The following ZFYVE9 variants were observed in gnomAD, a reference collection of about 807,000 sequenced individuals.
ZFYVE9 encodes zinc finger FYVE domain-containing protein 9.
Under a neutral mutation model 126.7 loss-of-function variants are expected in ZFYVE9, and 43 were observed. The observed-to-expected ratio is 0.34, with a 90% confidence interval of 0.27 to 0.44. ZFYVE9 has a LOEUF of 0.44. Ranked by LOEUF, ZFYVE9 falls within the 20% of genes least tolerant of loss-of-function variation. The probability of loss-of-function intolerance (pLI) is 1.00; values close to 1 mark genes in which losing one functional copy is unlikely to be tolerated. For missense variants in ZFYVE9, 1,476 were observed against 1,697.0 expected, an observed-to-expected ratio of 0.87 and a Z score of 2.29; for synonymous variants, 521 against 597.4, an observed-to-expected ratio of 0.87 and a Z score of 1.87.
At chr1:52,255,968 C>CT (rs531740960) in intron 4 of ZFYVE9, among the ~76,000 whole-genome samples, 1,610 of 69,852 alleles carry the variant, frequency 0.023, 15 homozygotes, top group African/African-American at 0.066. Flanking sequence ...CTTTTCTTTT[C>CT]TTTCTTTCTT....
chr1:52,243,223 C>G (rs1572129588), intron 4 of ZFYVE9, among the ~76,000 whole-genome samples: 1 of 152,114 alleles, frequency 6.6e-6, no homozygotes, highest in Non-Finnish European at 1.5e-5. Flanking sequence ...GTGCTCCCCA[C>G]CCTCATGGTA....
Position 52,220,227 on chromosome 1 carries a change from G to A in ZFYVE9, c.-37+3753G>A, listed in dbSNP as rs114281606. ...TCTACCCTCCCTGATGAAGGTGGAT[G>A]CCAGGGAGTATGATATTCCCATTTT... On this transcript the variant is annotated intron_variant, in intron 2 of 18. Coordinates refer to ENST00000287727, the MANE Select transcript of ZFYVE9 (RefSeq NM_004799.4). Among the ~76,000 whole-genome samples, 877 of 152,318 alleles carry A rather than the reference G, an allele frequency of 5.8e-3. 14 individuals carry two copies. The highest frequency in any genetic ancestry group is 0.02 in the African/African-American group (841 of 41,570).
At position 52,329,341 on chromosome 1, in the gene ZFYVE9, TCAAAA is replaced by T. The variant is rs1391730120; in HGVS notation, c.3439-3423_3439-3419del. ...CCTCACATTATATATAAAAACTGAC[TCAAAA>T]CAATCAACCAACAAACTAAATATAA... On this transcript the variant is annotated intron_variant, in intron 13 of 18. Transcript: ENST00000287727. Among the ~76,000 whole-genome samples the T allele has an allele frequency of 2.6e-5, 4 of 152,164 alleles. No individual in the cohort carries two copies. The South Asian group carries it at 8.3e-4, about 32-fold the overall frequency.
chr1:52,232,974 T>C (rs1645238237), intron 2 of ZFYVE9, among the ~76,000 whole-genome samples, 197 bp from the exon 3 acceptor site: 3 of 152,094 alleles, frequency 2.0e-5, no homozygotes, highest in Non-Finnish European at 1.5e-5. Context: ...TATTTAGTTA[T>C]ATTTTGTTGA....
intron 11 of ZFYVE9, 41 bp from the exon 12 acceptor site, chr1:52,295,854 A>G (rs750646852): frequency 4.5e-6 from 7 of 1,544,130 alleles, no homozygotes; most frequent in Non-Finnish European, 6.2e-6. Flanking sequence ...CCAAAGTTTT[A>G]TGTTGCCAAA....
rs540683233 is a variant in ZFYVE9, at chr1:52,191,541, A to G, written c.-142-24828A>G. 4.6e-5 allele frequency among the ~76,000 whole-genome samples: 7 copies of G among 152,284 alleles called. No individual in the cohort carries two copies. In the South Asian group the frequency reaches 1.5e-3, roughly 32 times the overall value. ...ACATATATTTGTAGAATTCTTTATG[A>G]AGTATTTCTGCATTGTCATCTAATT... On this transcript the variant is annotated intron_variant, in intron 1 of 18. Coordinates refer to ENST00000287727, the MANE Select transcript of ZFYVE9 (RefSeq NM_004799.4).
chr1:52,206,094 T>A (rs1557456595), intron 1 of ZFYVE9, among the ~76,000 whole-genome samples: 1 of 152,138 alleles, frequency 6.6e-6, no homozygotes, highest in Non-Finnish European at 1.5e-5. Flanking sequence ...CCACTGGAGC[T>A]AAGTTAGAAA....
At chr1:52,310,737 A>G (rs779157708) in intron 13 of ZFYVE9, among the ~76,000 whole-genome samples, 41 of 152,290 alleles carry the variant, frequency 2.7e-4, no homozygotes, top group African/African-American at 8.2e-4. Flanking sequence ...ATGTGGTTCT[A>G]TTTACATTTT....
chr1:52,218,488 A>C (rs1645093213), intron 2 of ZFYVE9, among the ~76,000 whole-genome samples: 2 of 152,182 alleles, frequency 1.3e-5, no homozygotes, highest in African/African-American at 4.8e-5. Context: ...ATAGTGAGTG[A>C]GTGGCACATG....
chr1:52,158,130 T>A (rs1020912345), intron 1 of ZFYVE9, among the ~76,000 whole-genome samples: 2 of 152,190 alleles, frequency 1.3e-5, no homozygotes, highest in Non-Finnish European at 2.9e-5. Context: ...TGCCACAGTG[T>A]TAATTCTCAT....
chr1:52,180,832 G>A (rs1414355435), intron 1 of ZFYVE9, among the ~76,000 whole-genome samples: 1 of 151,952 alleles, frequency 6.6e-6, no homozygotes, highest in African/African-American at 2.4e-5. Context: ...AAAAATAGCC[G>A]GGCGTGGTGG....
At chr1:52,148,229 C>T (rs1371329939) in intron 1 of ZFYVE9, among the ~76,000 whole-genome samples, 1 of 152,040 alleles carries the variant, frequency 6.6e-6, no homozygotes, top group Non-Finnish European at 1.5e-5. Flanking sequence ...AATCCCAGCA[C>T]TTTGGGAGGC....
intron 1 of ZFYVE9, among the ~76,000 whole-genome samples, chr1:52,146,983 A>T (rs1466212620): frequency 6.6e-6 from 1 of 152,194 alleles, no homozygotes; most frequent in Non-Finnish European, 1.5e-5. Context: ...CACAAGTGGA[A>T]AAATTCCACG....
intron 1 of ZFYVE9, among the ~76,000 whole-genome samples, chr1:52,184,736 A>G (rs866359865): frequency 1.8e-4 from 27 of 152,276 alleles, no homozygotes; most frequent in Non-Finnish European, 3.2e-4. Context: ...TGTTCAGTGT[A>G]AAAGAATTGA....
rs149992505 is a variant in ZFYVE9 at position 52,183,451 on chromosome 1, T to C, written c.-142-32918T>C. Among the ~76,000 whole-genome samples the C allele has an allele frequency of 3.6e-3, 548 of 152,318 alleles. 11 individuals carry two copies. The East Asian group carries it at 0.062, about 17-fold the overall frequency. Reference sequence around the variant, plus strand: ...TTAAACATATGAGGAAATTGAGACCTGTGTTTGTACTTTTGCCTTTTGAGT... The same window carrying C: ...TTAAACATATGAGGAAATTGAGACCCGTGTTTGTACTTTTGCCTTTTGAGT... On this transcript the variant is annotated intron_variant, in intron 1 of 18. Transcript: ENST00000287727.
intron 13 of ZFYVE9, among the ~76,000 whole-genome samples, chr1:52,318,942 C>A (rs925131530): frequency 6.6e-6 from 1 of 152,024 alleles, no homozygotes; most frequent in Non-Finnish European, 1.5e-5. Flanking sequence ...ACAAAAAATA[C>A]AAAAATTAGC....
At chr1:52,288,500 C>G (rs1158365908) in intron 10 of ZFYVE9, among the ~76,000 whole-genome samples, 1 of 152,174 alleles carries the variant, frequency 6.6e-6, no homozygotes, top group African/African-American at 2.4e-5. Context: ...CAGAGATACA[C>G]TAAACTGAGG....
intron 4 of ZFYVE9, among the ~76,000 whole-genome samples, chr1:52,246,686 C>A (rs1315376068): frequency 6.7e-6 from 1 of 148,930 alleles, no homozygotes; most frequent in Non-Finnish European, 1.5e-5. Flanking sequence ...CATGTGCCAC[C>A]ACGTGTAACT....
chr1:52,228,736 T>G (rs1256601592), intron 2 of ZFYVE9, among the ~76,000 whole-genome samples: 2 of 152,190 alleles, frequency 1.3e-5, no homozygotes, highest in African/African-American at 4.8e-5. Context: ...TCACCCAATG[T>G]ATCGTCCATA....
Sources: gnomAD v4.1 joint callset for allele counts (sites outside exome capture counted in the v4.1 genomes callset) on GRCh38, gnomAD v4.1.1 for gene constraint, MANE v1.5 for transcripts, NCBI Gene and HGNC (gene_info 2026-07-23, HGNC 2026-07-21) for gene names.